Variants in FOXN3 observed in about 807,000 individuals in gnomAD.
FOXN3 encodes the protein forkhead box protein N3.
In FOXN3, 7 loss-of-function variants were observed where a neutral mutation model predicts 38.4. That is an observed-to-expected ratio of 0.18 (90% CI 0.10 to 0.34). The LOEUF is 0.34. FOXN3 is among the 10% of genes least tolerant of loss of function. The probability of loss-of-function intolerance (pLI) is 1.00; values close to 1 mark genes in which losing one functional copy is unlikely to be tolerated. For missense variants in FOXN3, 456 were observed against 613.4 expected (o/e 0.74, Z 2.71); for synonymous variants, 230 against 242.2 (o/e 0.95, Z 0.47).
intron 3 of FOXN3, among the ~76,000 whole-genome samples, chr14:89,288,720 C>CTA (rs1886752714): frequency 2.7e-5 from 1 of 37,392 alleles, no homozygotes; most frequent in Non-Finnish European, 4.8e-5. Flanking sequence ...CTCTCTCTCT[C>CTA]TCTCTATATA....
intron 3 of FOXN3, among the ~76,000 whole-genome samples, chr14:89,318,058 C>T (rs72701658): frequency 0.24 from 35,575 of 151,152 alleles, 4,700 homozygotes; most frequent in African/African-American, 0.35. Flanking sequence ...TATATTAGGG[C>T]ATCTTATATC....
intron 4 of FOXN3, among the ~76,000 whole-genome samples, chr14:89,207,391 G>C (rs147035466): frequency 6.6e-6 from 1 of 151,804 alleles, no homozygotes; most frequent in Non-Finnish European, 1.5e-5. Flanking sequence ...TACAAACACC[G>C]ATGGGATAAA....
intron 4 of FOXN3, among the ~76,000 whole-genome samples, chr14:89,265,601 G>A (rs1885952021): frequency 6.6e-6 from 1 of 152,172 alleles, no homozygotes; most frequent in African/African-American, 2.4e-5. Context: ...CTGCAAGCCA[G>A]GGTTAATGCC....
At chr14:89,303,684 T>C (rs1236994330) in intron 3 of FOXN3, among the ~76,000 whole-genome samples, 1 of 152,206 alleles carries the variant, frequency 6.6e-6, no homozygotes, top group East Asian at 1.9e-4. Flanking sequence ...CGTTTCCTGC[T>C]GTCTCTTGAG....
intron 1 of FOXN3, among the ~76,000 whole-genome samples, chr14:89,555,502 A>G (rs1037598052): frequency 1.3e-5 from 2 of 152,160 alleles, no homozygotes; most frequent in African/African-American, 4.8e-5. Flanking sequence ...AGCAGTAAGG[A>G]TAAGCATCTT....
chr14:89,358,204 T>C, intron 2 of FOXN3, among the ~76,000 whole-genome samples: 1 of 152,224 alleles, frequency 6.6e-6, no homozygotes, highest in East Asian at 1.9e-4. Flanking sequence ...TAAACGTGGC[T>C]GGGCTTCAGT....
intron 5 of FOXN3, 97 bp downstream of exon 5, chr14:89,180,604 G>C: frequency 1.2e-6 from 1 of 824,658 alleles, no homozygotes; most frequent in East Asian, 3.0e-5. Context: ...TCACTAGTTC[G>C]AAGCAGCTCC....
intron 3 of FOXN3, among the ~76,000 whole-genome samples, chr14:89,327,857 G>A (rs1285089693): frequency 6.6e-6 from 1 of 152,190 alleles, no homozygotes; most frequent in Non-Finnish European, 1.5e-5. Context: ...CGTTAGAGAT[G>A]ATCTAGCCCA....
intron 2 of FOXN3, among the ~76,000 whole-genome samples, chr14:89,384,427 A>G (rs1890738806): frequency 1.3e-5 from 2 of 152,238 alleles, no homozygotes; most frequent in African/African-American, 4.8e-5. Flanking sequence ...AGCTCTTCTA[A>G]TACGTACCAG....
rs564169288 is a variant in FOXN3, at chr14:89,187,755, G to C, written c.746-6949C>G. 3.9e-5 allele frequency among the ~76,000 whole-genome samples: 6 copies of C among 152,282 alleles called. No individual in the cohort carries two copies. The South Asian group carries it at 1.2e-3, about 32-fold the overall frequency. The stretch of plus-strand genomic sequence containing the variant: ...GCTGCAGATACATTCCTCTGGTTGG[G>C]TTTATGGGGAGGATGGGCCAGCTGG... On this transcript the variant is annotated intron_variant, in intron 4 of 5. Coordinates refer to ENST00000557258, the MANE Select transcript of FOXN3 (RefSeq NM_005197.4).
chr14:89,518,360 C>G (rs1894249562), intron 1 of FOXN3, among the ~76,000 whole-genome samples: 1 of 152,166 alleles, frequency 6.6e-6, no homozygotes, highest in South Asian at 2.1e-4. Context: ...CCTCTCATAC[C>G]AGGTTTCCAG....
rs1332756999 is a variant in FOXN3, at chr14:89,500,505, C to T, written c.-14-88015G>A. ...GGGACCTTTACCACTCTGTTTCAAG[C>T]GCCCTTTGAGAGGGAAACCAAAGAA... On this transcript the variant is annotated intron_variant, in intron 1 of 6. Transcript: ENST00000345097. Among the ~76,000 whole-genome samples, 5 of 152,302 alleles carry T rather than the reference C, an allele frequency of 3.3e-5. No homozygotes were observed. The South Asian group carries it at 6.2e-4, about 19-fold the overall frequency.
At chr14:89,467,855 A>C (rs1228444668) in intron 1 of FOXN3, among the ~76,000 whole-genome samples, 12 of 66,042 alleles carry the variant, frequency 1.8e-4, no homozygotes, top group Non-Finnish European at 2.4e-4. Context: ...TCACTATGTT[A>C]TTCAGGAGGG....
intron 1 of FOXN3, among the ~76,000 whole-genome samples, chr14:89,562,774 C>T (rs1371498314): frequency 6.6e-6 from 1 of 152,206 alleles, no homozygotes; most frequent in African/African-American, 2.4e-5. Flanking sequence ...GTTACATCCT[C>T]ATGAGGAGGT....
intron 1 of FOXN3, among the ~76,000 whole-genome samples, chr14:89,533,639 G>A (rs1400223801): frequency 8.0e-6 from 1 of 124,340 alleles, no homozygotes; most frequent in Non-Finnish European, 1.6e-5. Flanking sequence ...TCCAGCCTGG[G>A]TGACAGAGGG....
At chr14:89,466,420 T>C (rs964580964) in intron 1 of FOXN3, among the ~76,000 whole-genome samples, 3 of 152,152 alleles carry the variant, frequency 2.0e-5, no homozygotes, top group Admixed American at 6.5e-5. Context: ...GGGAATATGT[T>C]TTTCGTGCCA....
chr14:89,378,657 G>A (rs1890554587), intron 2 of FOXN3, among the ~76,000 whole-genome samples: 1 of 150,530 alleles, frequency 6.6e-6, no homozygotes, highest in African/African-American at 2.4e-5. Flanking sequence ...AAACTAGGAA[G>A]AAAGGAGAAA....
intron 1 of FOXN3, among the ~76,000 whole-genome samples, chr14:89,480,739 G>A (rs568355787): frequency 6.6e-6 from 1 of 152,290 alleles, no homozygotes; most frequent in South Asian, 2.1e-4. Flanking sequence ...CAAATTAAAT[G>A]CATGCTTAAA....
At chr14:89,217,724 T>C (rs939077451) in intron 4 of FOXN3, among the ~76,000 whole-genome samples, 3 of 152,246 alleles carry the variant, frequency 2.0e-5, no homozygotes, top group Admixed American at 2.0e-4. Context: ...CCTTTGGAAA[T>C]GTCAGCTTCC....
Sources: gnomAD v4.1 joint callset for allele counts (sites outside exome capture counted in the v4.1 genomes callset) on GRCh38, gnomAD v4.1.1 for gene constraint, MANE v1.5 for transcripts, NCBI Gene and HGNC (gene_info 2026-07-23, HGNC 2026-07-21) for gene names.